The following RHOXF1 variants were observed in gnomAD, a reference collection of about 807,000 sequenced individuals.
RHOXF1 encodes the protein PEPP subfamily gene 1.
RHOXF1 carries 1 observed loss-of-function variant against 9.7 expected under a neutral mutation model. The ratio of observed to expected loss-of-function variants is 0.10; its 90% CI spans 0.04 to 0.49. RHOXF1 has a LOEUF of 0.49. Among genes scored for constraint, RHOXF1 ranks in the 20% least tolerant of loss-of-function variants. The pLI is 0.95. For synonymous variants in RHOXF1, 72 were observed against 70.2 expected (o/e 1.03, Z -0.13); for missense variants, 179 against 168.0 (o/e 1.07, Z -0.36).
chrX:120,117,022 G>T (rs1245837193), upstream of RHOXF1, among the ~76,000 whole-genome samples: 1 of 111,228 alleles, frequency 9.0e-6, no homozygotes, highest in Admixed American at 9.4e-5. Flanking sequence ...CTGGATGTGG[G>T]GCCACTTCTG....
At chrX:120,112,975 G>A (rs1466783620) in intron 1 of RHOXF1, 61 bp from the exon 2 acceptor site, 31 of 770,858 alleles carry the variant, frequency 4.0e-5, no homozygotes, top group Non-Finnish European at 5.7e-5. Context: ...GAAATATATA[G>A]TATGTACTAT....
Position 120,115,712 on chromosome X carries a change from C to T in RHOXF1, c.151G>A (p.Glu51Lys). Reference protein sequence around the residue: ...APGLMGNMNPEGGVNHENGMN... With the variant: ...APGLMGNMNPKGGVNHENGMN... ...CCGTTCTCGTGGTTCACACCGCCCT[C>T]AGGGTTCATATTACCCATGAGGCCT... The change falls in exon 1 of 3, where the codon GAG (glutamate) becomes AAG (lysine). Residue 51 changes from glutamate to lysine, a missense_variant. Physicochemically the swap from Glu to Lys is moderately conservative, Grantham distance 56. Coordinates refer to ENST00000217999, the MANE Select transcript of RHOXF1 (RefSeq NM_139282.3). The T allele has an allele frequency of 1.1e-5, 13 of 1,209,837 alleles. No individual in the cohort carries two copies. In the South Asian group the frequency reaches 1.9e-4, roughly 18 times the overall value.
chrX:120,110,523 T>C (rs2057260525), intron 2 of RHOXF1, among the ~76,000 whole-genome samples: 1 of 111,105 alleles, frequency 9.0e-6, no homozygotes, highest in Non-Finnish European at 1.9e-5. Flanking sequence ...CAGGGCCCCC[T>C]AGGCCCTGCT....
At position 120,109,124 on chromosome X, in the gene RHOXF1, C is replaced by G; in HGVS notation, c.*68G>C. 1.5e-6 allele frequency: 1 copy of G among 666,324 alleles called. No homozygotes were observed. Among genetic ancestry groups the G allele is most frequent in the Non-Finnish European group, 2.4e-6 (1 of 416,007 alleles). 54.9% of individuals were successfully genotyped at this position (666,324 alleles called of 1,213,427 possible). A position where few individuals can be genotyped will look rare whatever the true frequency, so the allele number is the denominator to read the frequency against. ...GGGTAGCCTGAGCGGCATGGGCAGCCCAGGTGTCAGTGGCACCAGAAAAAC... is the reference window on the plus strand; with the variant it reads ...GGGTAGCCTGAGCGGCATGGGCAGCGCAGGTGTCAGTGGCACCAGAAAAAC... On this transcript the variant is annotated 3_prime_UTR_variant, in exon 3 of 3. Transcript: ENST00000217999.
At chrX:120,115,954 G>A, upstream of RHOXF1, 2 of 854,423 alleles carry the variant, frequency 2.3e-6, no homozygotes, top group South Asian at 3.2e-5. Flanking sequence ...CTCATGCTTG[G>A]TATTGGTTAC....
rs1556000440 is a variant in RHOXF1, at chrX:120,115,633, G to C, written c.230C>G (p.Pro77Arg). ...CGGCGGGGGCTGCGGCTGCTGCCGA[G>C]GCTCCTGGTTTCCACCGCCGCCCTC... ...IPEGGGGNQE[P>R]RQQPQPPPEE... Residue 77 changes from proline to arginine, a missense_variant, in exon 1 of 3, where the codon CCT becomes CGT. Transcript: ENST00000217999. 8.5e-7 allele frequency: 1 copy of C among 1,178,292 alleles called. No individual in the cohort carries two copies. Among genetic ancestry groups the C allele is most frequent in the East Asian group, 3.0e-5 (1 of 32,935 alleles).
chrX:120,116,007 G>A, upstream of RHOXF1: 1 of 296,236 alleles, frequency 3.4e-6, no homozygotes, highest in Admixed American at 1.0e-4. Context: ...AAGCAAGAGA[G>A]GGAATGGAGA....
Position 120,115,600 on chromosome X carries a change from G to C in RHOXF1, c.263C>G (p.Pro88Arg), listed in dbSNP as rs782318799. 16 of 1,158,325 alleles carry C rather than the reference G, an allele frequency of 1.4e-5. No homozygotes were observed. In the East Asian group the frequency reaches 3.0e-4, roughly 22 times the overall value. ...CGGACCCTCCATGGCCGCCTGGGCC[G>C]GCTCCTCCGGCGGGGGCTGCGGCTG... ...RQQPQPPPEE[P>R]AQAAMEGPQP... Residue 88 changes from proline to arginine, a missense_variant, in exon 1 of 3, where the codon CCG becomes CGG. Transcript: ENST00000217999.
chrX:120,119,936 C>A (rs1017136222), upstream of RHOXF1, among the ~76,000 whole-genome samples: 1 of 111,327 alleles, frequency 9.0e-6, no homozygotes, highest in African/African-American at 3.3e-5. Context: ...AGCCCAATGA[C>A]ACCCTTAGCA....
chrX:120,110,794 A>G (rs900294438), intron 2 of RHOXF1, among the ~76,000 whole-genome samples: 9 of 112,411 alleles, frequency 8.0e-5, no homozygotes, highest in Non-Finnish European at 3.8e-5. Context: ...TGTAAGCTGC[A>G]CAAAGGGCCT....
intron 1 of RHOXF1, among the ~76,000 whole-genome samples, chrX:120,114,667 T>C (rs1012749625): frequency 5.4e-5 from 6 of 111,854 alleles, no homozygotes; most frequent in African/African-American, 1.9e-4. Flanking sequence ...AAAGAAGATA[T>C]ACAAGTGGCC....
intron 2 of RHOXF1, among the ~76,000 whole-genome samples, chrX:120,110,250 G>A (rs1318129479): frequency 1.8e-5 from 2 of 112,063 alleles, no homozygotes; most frequent in Non-Finnish European, 3.8e-5. Flanking sequence ...TGGCAAGAGA[G>A]GCCTGGACAC....
At position 120,115,902 on chromosome X, in the gene RHOXF1, T is replaced by G. The variant is rs1350724128; in HGVS notation, c.-40A>C. On this transcript the variant is annotated 5_prime_UTR_variant, in exon 1 of 3. Transcript: ENST00000217999. The stretch of plus-strand genomic sequence containing the variant: ...GCCCCTGCACAAACTCCGTGGCGTC[T>G]GCAGCTGGAGTGGGGGTTAGAGGGT... The G allele has an allele frequency of 8.9e-7, 1 of 1,122,074 alleles. No individual in the cohort carries two copies. The highest frequency in any genetic ancestry group is 1.2e-6 in the Non-Finnish European group (1 of 855,972). The allele number at this position is 1,122,074 out of a possible 1,213,427, so 92.5% of individuals were successfully genotyped here. A position where few individuals can be genotyped will look rare whatever the true frequency, so the allele number is the denominator to read the frequency against.
chrX:120,117,191 G>A (rs1429281617), upstream of RHOXF1, among the ~76,000 whole-genome samples: 1 of 111,300 alleles, frequency 9.0e-6, no homozygotes, highest in Non-Finnish European at 1.9e-5. Context: ...AGGAGTTTGA[G>A]GCTGTGGTGA....
upstream of RHOXF1, chrX:120,116,374 G>A (rs902080140): frequency 3.6e-4 from 38 of 106,831 alleles, no homozygotes; most frequent in African/African-American, 1.2e-3. Context: ...GGGGCAGTGT[G>A]GAGAAGAAAA....
chrX:120,109,785 A>G (rs1162780739), intron 2 of RHOXF1, among the ~76,000 whole-genome samples: 7 of 110,260 alleles, frequency 6.3e-5, no homozygotes, highest in African/African-American at 2.3e-4. Flanking sequence ...GGGTCTCGCT[A>G]TGTTGCCCAG....
intron 2 of RHOXF1, among the ~76,000 whole-genome samples, chrX:120,109,748 A>G (rs1283644723): frequency 9.1e-6 from 1 of 109,632 alleles, no homozygotes; most frequent in Non-Finnish European, 1.9e-5. Flanking sequence ...CACTATGCCC[A>G]GCTGTTTTAA....
At chrX:120,109,551 TTTTA>T (rs201010268) in intron 2 of RHOXF1, among the ~76,000 whole-genome samples, 7 of 109,297 alleles carry the variant, frequency 6.4e-5, no homozygotes, top group African/African-American at 1.3e-4. Context: ...CTCTTCTCCA[TTTTA>T]TTTATTTATT....
chrX:120,112,010 G>C (rs1367531544), intron 2 of RHOXF1, among the ~76,000 whole-genome samples: 1 of 111,155 alleles, frequency 9.0e-6, no homozygotes, highest in East Asian at 2.8e-4. Flanking sequence ...TTAAAACTTA[G>C]GGCTGCCACT....
Sources: gnomAD v4.1 joint callset for allele counts (sites outside exome capture counted in the v4.1 genomes callset) on GRCh38, gnomAD v4.1.1 for gene constraint, MANE v1.5 for transcripts, NCBI Gene and HGNC (gene_info 2026-07-23, HGNC 2026-07-21) for gene names.